The following PDPR variants were observed in gnomAD, a reference collection of about 807,000 sequenced individuals.
The protein encoded by PDPR is pyruvate dehydrogenase phosphatase regulatory subunit, mitochondrial.
PDPR carries 50 observed loss-of-function variants against 102.2 expected under a neutral mutation model. That is an observed-to-expected ratio of 0.49 (90% CI 0.39 to 0.62). The LOEUF (loss-of-function observed/expected upper bound fraction) is 0.62, where lower values mean the gene tolerates loss of function less well. Among genes scored for constraint, PDPR ranks in the 20% least tolerant of loss-of-function variants. The pLI is 0.00. For synonymous variants in PDPR, 259 were observed against 406.0 expected, an observed-to-expected ratio of 0.64 and a Z score of 4.35; for missense variants, 625 against 1,098.2, an observed-to-expected ratio of 0.57 and a Z score of 6.09.
chr16:70,157,555 G>T lies in PDPR; in HGVS notation c.*676G>T, dbSNP rs1369200067. 1 of 198,044 alleles carries T rather than the reference G, an allele frequency of 5.0e-6. No individual in the cohort carries two copies. Among genetic ancestry groups the T allele is most frequent in the African/African-American group, 2.4e-5 (1 of 42,304 alleles). The allele number at this position is 198,044 out of a possible 1,614,324, so 12.3% of individuals were successfully genotyped here. On this transcript the variant is annotated 3_prime_UTR_variant, in exon 19 of 19. Transcript: ENST00000288050. ...ATTAGCAGACCTTTGGGCCAGGGCA[G>T]CCTCCCTATAATTTTCTTCATCTCT... is the stretch of plus-strand genomic sequence containing the variant.
rs1394969463 is a variant in PDPR at position 70,158,409 on chromosome 16, AT to A, written c.*1533del. Reference sequence around the variant, plus strand: ...TAAGTGTATTAAGGGACATCCTTCCATTTCATTAGAGCAGCTTAAAATGCTC... The same window carrying A: ...TAAGTGTATTAAGGGACATCCTTCCATTCATTAGAGCAGCTTAAAATGCTC... On this transcript the variant is annotated 3_prime_UTR_variant, in exon 19 of 19. Transcript: ENST00000288050. 3.3e-5 allele frequency: 5 copies of A among 152,740 alleles called. No homozygotes were observed. Among genetic ancestry groups the A allele is most frequent in the African/African-American group, 1.2e-4 (5 of 41,476 alleles). The allele number at this position is 152,740 out of a possible 1,614,324, so 9.5% of individuals were successfully genotyped here. A position where few individuals can be genotyped will look rare whatever the true frequency, so the allele number is the denominator to read the frequency against.
chr16:70,124,253 C>T (rs1402972022), intron 3 of PDPR, among the ~76,000 whole-genome samples: 1 of 152,212 alleles, frequency 6.6e-6, no homozygotes. Context: ...ATTGTAGCTA[C>T]TCAGGAGGCT....
intron 2 of PDPR, among the ~76,000 whole-genome samples, chr16:70,115,803 A>G (rs879204963): frequency 1.2e-4 from 19 of 152,002 alleles, no homozygotes; most frequent in Non-Finnish European, 1.5e-5. Context: ...CCAGAACTGT[A>G]AAAACTCTAT....
chr16:70,156,356 G>A (rs974024406), intron 18 of PDPR, 119 bp from the exon 19 acceptor site: 3 of 1,247,990 alleles, frequency 2.4e-6, no homozygotes, highest in Middle Eastern at 2.4e-4. Flanking sequence ...TGGCAGGGTT[G>A]TGGGAGGAGG....
intron 17 of PDPR, among the ~76,000 whole-genome samples, chr16:70,150,508 T>C (rs1966645477): frequency 6.6e-6 from 1 of 152,016 alleles, no homozygotes; most frequent in South Asian, 2.1e-4. Context: ...GTCATACTAC[T>C]TGTAGTGATA....
Position 70,140,199 on chromosome 16 carries a change from T to C in PDPR, c.1315+1176T>C, listed in dbSNP as rs1272656237. Among the ~76,000 whole-genome samples the C allele has an allele frequency of 5.3e-5, 8 of 152,328 alleles. No individual in the cohort carries two copies. The South Asian group carries it at 1.4e-3, about 28-fold the overall frequency. On this transcript the variant is annotated intron_variant, in intron 11 of 18. Coordinates refer to ENST00000288050, the MANE Select transcript of PDPR (RefSeq NM_017990.5). Reference sequence around the variant, plus strand: ...AAAACCAAAACCAAAAAATTAGCCATGCCTAGTGGCACACACCTGAAGTCC... The same window carrying C: ...AAAACCAAAACCAAAAAATTAGCCACGCCTAGTGGCACACACCTGAAGTCC...
At chr16:70,133,421 C>CTT (rs1162339028) in intron 9 of PDPR, among the ~76,000 whole-genome samples, 3 of 103,732 alleles carry the variant, frequency 2.9e-5, no homozygotes, top group Non-Finnish European at 3.7e-5. Flanking sequence ...TGCGTCTGGC[C>CTT]TTTTTTTTTT....
intron 14 of PDPR, among the ~76,000 whole-genome samples, chr16:70,144,090 C>T (rs2549568): frequency 7.9e-5 from 12 of 152,122 alleles, no homozygotes; most frequent in Non-Finnish European, 1.5e-4. Context: ...TAGGGTTTTG[C>T]CACATTGCCC....
intron 10 of PDPR, among the ~76,000 whole-genome samples, chr16:70,138,207 AT>A (rs1201065640): frequency 3.9e-3 from 365 of 93,938 alleles, no homozygotes; most frequent in African/African-American, 0.011. Context: ...ACGCCGGCTA[AT>A]TTTTTTTTTT....
In PDPR at chr16:70,146,297, A is replaced by C. The variant is rs954445814; in HGVS notation, c.1962+69A>C. The stretch of plus-strand genomic sequence containing the variant: ...TGTCTTTCATAGCGGTGGCAGGTAC[A>C]TATTCTTACTATGGTGTTAGCACCC... On this transcript the variant is annotated intron_variant, in intron 16 of 18. Transcript: ENST00000288050. 5.3e-5 allele frequency: 86 copies of C among 1,608,820 alleles called. 1 individual carries two copies. The African/African-American group carries it at 1.0e-3, about 19-fold the overall frequency.
At position 70,130,420 on chromosome 16, in the gene PDPR, C is replaced by T. The variant is rs761204453; in HGVS notation, c.608-3C>T. On this transcript the variant is annotated splice_region_variant and splice_polypyrimidine_tract_variant and intron_variant, in intron 6 of 18. Coordinates refer to ENST00000288050, the MANE Select transcript of PDPR (RefSeq NM_017990.5). Reference sequence around the variant, plus strand: ...CACCAACTCTTTCTTTACCTTGGAACAGGTGTTCAGATCTATGACCGGACA... The same window carrying T: ...CACCAACTCTTTCTTTACCTTGGAATAGGTGTTCAGATCTATGACCGGACA... 12 of 1,613,288 alleles carry T rather than the reference C, an allele frequency of 7.4e-6. No homozygotes were observed. The East Asian group carries it at 2.2e-4, about 30-fold the overall frequency.
In PDPR at chr16:70,156,582, T is replaced by G; in HGVS notation, c.2343T>G (p.Leu781=). The change falls in exon 19 of 19, where the codon CTT becomes CTG. Residue 781 remains leucine (L), a synonymous_variant. Transcript: ENST00000288050. The stretch of plus-strand genomic sequence containing the variant: ...ACGACCATGATTCAGACCTAGACCT[T>G]TGGCCTTGGTGGGGAGAGCCCATTT... ...ILDDHDSDLD[L]WPWWGEPIYR... is the part of the protein sequence containing the mutation. The G allele has an allele frequency of 6.2e-7, 1 of 1,614,090 alleles. No homozygotes were observed. Among genetic ancestry groups the G allele is most frequent in the Non-Finnish European group, 8.5e-7 (1 of 1,179,904 alleles).
At chr16:70,126,034 G>C (rs1222316411) in intron 3 of PDPR, among the ~76,000 whole-genome samples, 6 of 152,270 alleles carry the variant, frequency 3.9e-5, no homozygotes, top group Non-Finnish European at 8.8e-5. Context: ...GTAGGTTTGT[G>C]TATATGTGTA....
At position 70,119,769 on chromosome 16, in the gene PDPR, T is replaced by C. The variant is rs1489913037; in HGVS notation, c.-32-692T>C. Reference sequence around the variant, plus strand: ...TTTATTTGTATGTTTATTTGTATATTGATTGGTGTTCTCCTCATTCACACA... The same window carrying C: ...TTTATTTGTATGTTTATTTGTATATCGATTGGTGTTCTCCTCATTCACACA... On this transcript the variant is annotated intron_variant, in intron 2 of 18. Coordinates refer to ENST00000288050, the MANE Select transcript of PDPR (RefSeq NM_017990.5). Among the ~76,000 whole-genome samples the C allele has an allele frequency of 2.2e-5, 3 of 133,346 alleles. No individual in the cohort carries two copies. The Admixed American group carries it at 2.3e-4, about 10-fold the overall frequency. The allele number at this position is 133,346 out of a possible 152,430, so 87.5% of individuals were successfully genotyped here. A position where few individuals can be genotyped will look rare whatever the true frequency, so the allele number is the denominator to read the frequency against.
intron 11 of PDPR, among the ~76,000 whole-genome samples, chr16:70,140,557 G>A (rs1466193727): frequency 4.6e-5 from 7 of 152,228 alleles, no homozygotes; most frequent in Admixed American, 3.9e-4. Context: ...AGTGGCTCAA[G>A]CCTGTAATCC....
chr16:70,138,207 A>ATTTTTTTT lies in PDPR; in HGVS notation c.1191-671_1191-664dup, dbSNP rs1201065640. Among the ~76,000 whole-genome samples, 42 of 94,040 alleles carry ATTTTTTTT rather than the reference A, an allele frequency of 4.5e-4. 1 individual carries two copies. Among genetic ancestry groups the ATTTTTTTT allele is most frequent in the East Asian group, 7.1e-4 (2 of 2,828 alleles). 61.7% of individuals were successfully genotyped at this position (94,040 alleles called of 152,430 possible). A position where few individuals can be genotyped will look rare whatever the true frequency, so the allele number is the denominator to read the frequency against. On this transcript the variant is annotated intron_variant, in intron 10 of 18. Coordinates refer to ENST00000288050, the MANE Select transcript of PDPR (RefSeq NM_017990.5). ...CAGGCATGTGCCACCACGCCGGCTA[A>ATTTTTTTT]TTTTTTTTTTTTTTTTTTTTTTTTT...
intron 9 of PDPR, among the ~76,000 whole-genome samples, chr16:70,135,862 G>A (rs1394433562): frequency 2.6e-5 from 4 of 152,252 alleles, no homozygotes; most frequent in Admixed American, 2.0e-4. Context: ...GAGGTCAAGA[G>A]TTCGAAACTA....
At chr16:70,120,240 CG>C (rs1292559993) in intron 2 of PDPR, 5 of 410,840 alleles carry the variant, frequency 1.2e-5, no homozygotes, top group Non-Finnish European at 1.8e-5. Context: ...TTAGTAGAGA[CG>C]GGGTTTCACT....
chr16:70,133,209 G>T (rs563753053), intron 9 of PDPR, among the ~76,000 whole-genome samples: 1 of 146,286 alleles, frequency 6.8e-6, no homozygotes, highest in Non-Finnish European at 1.5e-5. Flanking sequence ...CTGCCTCCCC[G>T]GTTCAAGTGA....
Sources: allele counts gnomAD v4.1 joint callset (sites outside exome capture counted in the v4.1 genomes callset), GRCh38; gene constraint gnomAD v4.1.1; transcripts MANE v1.5; gene names NCBI Gene and HGNC (gene_info 2026-07-23, HGNC 2026-07-21).